HGD: variants seen among roughly 807,000 people sequenced by gnomAD.
HGD encodes homogentisate 1,2-dioxygenase.
Under a neutral mutation model 60.8 loss-of-function variants are expected in HGD, and 61 were observed. The observed-to-expected ratio is 1.00, with a 90% CI of 0.82 to 1.24. The LOEUF is 1.24. Ranked by LOEUF, HGD falls within the 50% of genes most tolerant of loss-of-function variation. HGD has a pLI of 0.00. For synonymous variants in HGD, 212 were observed against 187.7 expected (o/e 1.13, Z -1.06); for missense variants, 542 against 547.1 (o/e 0.99, Z 0.09).
At chr3:120,643,858 T>C (rs1397307188) in intron 10 of HGD, among the ~76,000 whole-genome samples, 1 of 152,238 alleles carries the variant, frequency 6.6e-6, no homozygotes, top group African/African-American at 2.4e-5. Context: ...GCCAAGCTAA[T>C]TAACTGAATT....
At chr3:120,656,954 A>C (rs1941517087) in intron 4 of HGD, among the ~76,000 whole-genome samples, 1 of 152,198 alleles carries the variant, frequency 6.6e-6, no homozygotes, top group Admixed American at 6.5e-5. Context: ...CACGTGTAAA[A>C]TCGTCACTTC....
chr3:120,647,939 T>C (rs761616259), intron 6 of HGD, 28 bp from the exon 7 acceptor site: 2 of 1,575,728 alleles, frequency 1.3e-6, no homozygotes, highest in African/African-American at 2.7e-5. Context: ...ATTCTTGTGA[T>C]TTTCAGTTTT....
At chr3:120,629,775 A>G (rs1384945668) in intron 13 of HGD, among the ~76,000 whole-genome samples, 1 of 152,178 alleles carries the variant, frequency 6.6e-6, no homozygotes, top group Non-Finnish European at 1.5e-5. Context: ...AAGTCGTGGC[A>G]AAGAGTAATC....
chr3:120,655,096 A>G (rs985775923), intron 4 of HGD, among the ~76,000 whole-genome samples: 3 of 152,000 alleles, frequency 2.0e-5, no homozygotes, highest in African/African-American at 7.2e-5. Flanking sequence ...CAAAAACAAC[A>G]ACAACAAAAC....
At chr3:120,673,235 T>C (rs1247676716) in intron 3 of HGD, among the ~76,000 whole-genome samples, 3 of 152,198 alleles carry the variant, frequency 2.0e-5, no homozygotes, top group Admixed American at 1.3e-4. Flanking sequence ...CAGTACTACA[T>C]TGCCCTGAAC....
chr3:120,649,447 T>C (rs986053468), intron 6 of HGD, among the ~76,000 whole-genome samples: 2 of 152,090 alleles, frequency 1.3e-5, no homozygotes, highest in Non-Finnish European at 2.9e-5. Context: ...CCGGCCTCCG[T>C]TGTCTTTTTC....
intron 4 of HGD, among the ~76,000 whole-genome samples, chr3:120,663,860 GC>G (rs1301166079): frequency 6.6e-6 from 1 of 151,808 alleles, no homozygotes; most frequent in Non-Finnish European, 1.5e-5. Flanking sequence ...GGAAAAAGGC[GC>G]AAAATATGAT....
Position 120,644,382 on chromosome 3 carries a change from G to T in HGD, c.711C>A (p.Arg237=), listed in dbSNP as rs147204182. The change falls in exon 10 of 14, where the codon CGC becomes CGA. Residue 237 remains arginine (R), a synonymous_variant. Coordinates refer to ENST00000283871, the MANE Select transcript of HGD (RefSeq NM_000187.4). ...FLIPIAWYED[R]QVPGGYTVIN... is the part of the protein sequence containing the mutation. The stretch of plus-strand genomic sequence containing the variant: ...TGACCGTGTAACCACCTGGTACTTG[G>T]CGATCCTCATACCAGGCAATGGGTA... The T allele has an allele frequency of 5.3e-4, 851 of 1,614,014 alleles. 3 individuals carry two copies. The African/African-American group carries it at 0.01, about 19-fold the overall frequency.
chr3:120,644,486 C>T (rs1389861445), intron 9 of HGD, 43 bp from the exon 10 acceptor site: 1 of 1,613,296 alleles, frequency 6.2e-7, no homozygotes, highest in South Asian at 1.1e-5. Context: ...ACTTCCAAAA[C>T]ATAGGAAAGA....
intron 12 of HGD, 110 bp from the exon 13 acceptor site, chr3:120,633,438 T>C: frequency 6.3e-7 from 1 of 1,594,872 alleles, no homozygotes; most frequent in South Asian, 1.1e-5. Flanking sequence ...GAGAAACTAG[T>C]AAATTGTATA....
chr3:120,679,409 C>T (rs148785826), intron 1 of HGD, among the ~76,000 whole-genome samples: 1 of 152,070 alleles, frequency 6.6e-6, no homozygotes, highest in Non-Finnish European at 1.5e-5. Context: ...TTGATGGGAA[C>T]ATAGAACATA....
chr3:120,658,122 A>C (rs145017773), intron 4 of HGD, among the ~76,000 whole-genome samples: 78 of 152,314 alleles, frequency 5.1e-4, no homozygotes, highest in African/African-American at 1.8e-3. Flanking sequence ...TCACATGTCA[A>C]AATATAACCA....
In HGD at chr3:120,638,468, A is replaced by G. The variant is rs747288180; in HGVS notation, c.993T>C (p.Pro331=). The G allele has an allele frequency of 7.9e-5, 128 of 1,613,838 alleles. No individual in the cohort carries two copies. The Middle Eastern group carries it at 1.3e-3, about 17-fold the overall frequency. ...AGAGAGACTTACTATGGTAATAAGG[A>G]GGCCTGAAGGTCTTATCAGCAACCC... The part of the protein sequence containing the change: ...RWGVADKTFR[P]PYYHRNCMSE... Residue 331 remains proline (P), a synonymous_variant, in exon 12 of 14, where the codon CCT becomes CCC. Coordinates refer to ENST00000283871, the MANE Select transcript of HGD (RefSeq NM_000187.4).
intron 6 of HGD, among the ~76,000 whole-genome samples, chr3:120,649,286 G>A (rs2107515945): frequency 6.6e-6 from 1 of 151,678 alleles, no homozygotes; most frequent in East Asian, 1.9e-4. Context: ...GGGATTACAG[G>A]CGCCCACCAC....
intron 6 of HGD, among the ~76,000 whole-genome samples, chr3:120,649,209 C>A (rs1441521089): frequency 7.3e-6 from 1 of 137,730 alleles, no homozygotes; most frequent in African/African-American, 2.8e-5. Context: ...ATGGCATGAT[C>A]TCGGTTCACT....
intron 4 of HGD, among the ~76,000 whole-genome samples, chr3:120,656,565 G>T (rs188494144): frequency 6.6e-6 from 1 of 150,580 alleles, no homozygotes; most frequent in East Asian, 2.0e-4. Context: ...CTTTTTTTTG[G>T]GGGGGGGTTG....
rs531449155 is a variant in HGD, at chr3:120,682,137, C to T, written c.-26G>A. 3.1e-6 allele frequency: 5 copies of T among 1,612,726 alleles called. No homozygotes were observed. In the East Asian group the frequency reaches 8.9e-5, roughly 29 times the overall value. Reference sequence around the variant, plus strand: ...TTTCTCTCTCCTCTATGTGTGGTGACTTCAGGAAACCCAGGCCCAGAGGAT... The same window carrying T: ...TTTCTCTCTCCTCTATGTGTGGTGATTTCAGGAAACCCAGGCCCAGAGGAT... On this transcript the variant is annotated 5_prime_UTR_variant, in exon 1 of 14. Transcript: ENST00000283871.
chr3:120,652,291 G>T (rs903395813), intron 5 of HGD, among the ~76,000 whole-genome samples: 2 of 152,028 alleles, frequency 1.3e-5, no homozygotes. Context: ...ACATCAAAGT[G>T]AGAAAAAGGT....
At chr3:120,650,996 G>A (rs1941326155) in intron 5 of HGD, 131 bp from the exon 6 acceptor site, 1 of 783,146 alleles carries the variant, frequency 1.3e-6, no homozygotes, top group Non-Finnish European at 2.3e-6. Context: ...TGGGACGTTT[G>A]GAATCCAGGC....
Sources: gnomAD v4.1 joint callset for allele counts (sites outside exome capture counted in the v4.1 genomes callset) on GRCh38, gnomAD v4.1.1 for gene constraint, MANE v1.5 for transcripts, NCBI Gene and HGNC (gene_info 2026-07-23, HGNC 2026-07-21) for gene names.